Variants in CNTN4 observed in about 807,000 individuals in gnomAD.
The protein encoded by CNTN4 is contactin 4.
CNTN4 carries 77 observed loss-of-function variants against 122.5 expected under a neutral mutation model. The ratio of observed to expected loss-of-function variants is 0.63; its 90% CI spans 0.52 to 0.76. The LOEUF (loss-of-function observed/expected upper bound fraction) is 0.76. Among genes scored for constraint, CNTN4 ranks in the 30% least tolerant of loss-of-function variants. The pLI is 0.00. For missense variants in CNTN4, 1,256 were observed against 1,259.1 expected (o/e 1.00, Z 0.04); for synonymous variants, 512 against 447.0 (o/e 1.15, Z -1.83).
At chr3:2,903,566 C>T (rs556065117) in intron 12 of CNTN4, among the ~76,000 whole-genome samples, 1 of 152,302 alleles carries the variant, frequency 6.6e-6, no homozygotes, top group South Asian at 2.1e-4. Context: ...CTGAGTGCAT[C>T]GTCTGCCTGA....
chr3:2,588,462 G>A (rs909840337), intron 4 of CNTN4, among the ~76,000 whole-genome samples: 1 of 151,950 alleles, frequency 6.6e-6, no homozygotes, highest in African/African-American at 2.4e-5. Context: ...TGCCTCCCAG[G>A]TTCAAGCTAT....
chr3:2,675,106 G>A (rs2084770725), intron 4 of CNTN4, among the ~76,000 whole-genome samples: 1 of 151,696 alleles, frequency 6.6e-6, no homozygotes, highest in African/African-American at 2.4e-5. Context: ...CAGCAGTGGA[G>A]AGACAGTCTT....
chr3:2,708,639 G>A (rs188594235), intron 4 of CNTN4, among the ~76,000 whole-genome samples: 1 of 152,112 alleles, frequency 6.6e-6, no homozygotes, highest in African/African-American at 2.4e-5. Context: ...CCTTAAATCT[G>A]GAGACCTTCA....
At chr3:2,216,546 C>CA (rs1258874983) in intron 2 of CNTN4, among the ~76,000 whole-genome samples, 5 of 151,722 alleles carry the variant, frequency 3.3e-5, no homozygotes, top group East Asian at 3.9e-4. Context: ...AAAAGTTAAA[C>CA]AAAAAAAGAA....
intron 4 of CNTN4, among the ~76,000 whole-genome samples, chr3:2,699,521 G>T (rs1029176408): frequency 6.6e-6 from 1 of 152,212 alleles, no homozygotes; most frequent in Non-Finnish European, 1.5e-5. Flanking sequence ...TTCTTTGGTT[G>T]ATTTCAGTAT....
At chr3:2,708,718 ACG>A (rs1181421169) in intron 4 of CNTN4, among the ~76,000 whole-genome samples, 2 of 142,062 alleles carry the variant, frequency 1.4e-5, no homozygotes, top group Non-Finnish European at 3.0e-5. Context: ...AGGCACGCGC[ACG>A]CGCGCATCAC....
chr3:2,172,759 A>C (rs557437497), intron 2 of CNTN4, among the ~76,000 whole-genome samples: 7 of 152,308 alleles, frequency 4.6e-5, no homozygotes, highest in Middle Eastern at 3.4e-3. Context: ...GACAGTGGAG[A>C]TGGAGAGCCA....
At chr3:2,976,307 A>G (rs1454743887) in intron 13 of CNTN4, among the ~76,000 whole-genome samples, 1 of 152,250 alleles carries the variant, frequency 6.6e-6, no homozygotes, top group East Asian at 1.9e-4. Flanking sequence ...GAATCAAACC[A>G]GGTTAAACAA....
At chr3:2,858,424 C>G (rs2093638359) in intron 7 of CNTN4, among the ~76,000 whole-genome samples, 1 of 152,130 alleles carries the variant, frequency 6.6e-6, no homozygotes, top group Admixed American at 6.5e-5. Context: ...ATGTTTGTTT[C>G]AAGAAAAGCC....
At chr3:2,822,767 T>A (rs570101298) in intron 7 of CNTN4, among the ~76,000 whole-genome samples, 1 of 152,238 alleles carries the variant, frequency 6.6e-6, no homozygotes, top group African/African-American at 2.4e-5. Context: ...CACAGAGAAA[T>A]AGATTAAAAA....
At chr3:2,194,897 A>G (rs2037761407) in intron 2 of CNTN4, among the ~76,000 whole-genome samples, 1 of 152,190 alleles carries the variant, frequency 6.6e-6, no homozygotes, top group South Asian at 2.1e-4. Flanking sequence ...GAACTGTGAG[A>G]CAATAAACTC....
At chr3:2,126,211 T>C (rs370236880) in intron 2 of CNTN4, among the ~76,000 whole-genome samples, 23 of 152,234 alleles carry the variant, frequency 1.5e-4, no homozygotes, top group African/African-American at 2.2e-4. Flanking sequence ...GAAGCTCTTA[T>C]GTGATAGGAT....
At chr3:2,715,041 C>CAT (rs1181151035) in intron 4 of CNTN4, among the ~76,000 whole-genome samples, 1 of 152,204 alleles carries the variant, frequency 6.6e-6, no homozygotes, top group Non-Finnish European at 1.5e-5. Context: ...CAGCTTTCTA[C>CAT]ATATATCGTG....
At chr3:2,902,007 T>C (rs1263608885) in intron 11 of CNTN4, among the ~76,000 whole-genome samples, 2 of 152,160 alleles carry the variant, frequency 1.3e-5, no homozygotes. Flanking sequence ...TCTGGGTTTA[T>C]TCAAAAACAG....
At chr3:2,606,054 C>T (rs939092148) in intron 4 of CNTN4, among the ~76,000 whole-genome samples, 7 of 151,992 alleles carry the variant, frequency 4.6e-5, no homozygotes, top group East Asian at 3.9e-4. Context: ...GGGCAGCACT[C>T]GAGGCAGACA....
chr3:2,459,311 A>G (rs2049116309), intron 3 of CNTN4, among the ~76,000 whole-genome samples: 2 of 152,248 alleles, frequency 1.3e-5, no homozygotes, highest in Admixed American at 6.5e-5. Context: ...CTAAAATAAA[A>G]TGTGCATTTA....
chr3:3,038,795 T>C, intron 18 of CNTN4, 138 bp from the exon 19 acceptor site: 1 of 674,224 alleles, frequency 1.5e-6, no homozygotes. Context: ...CCCTTGACAA[T>C]GCTGTTGCTG....
intron 2 of CNTN4, among the ~76,000 whole-genome samples, chr3:2,125,923 G>GTA (rs1553570979): frequency 3.3e-5 from 5 of 150,690 alleles, no homozygotes; most frequent in Non-Finnish European, 7.4e-5. Context: ...GTGTGTGTGT[G>GTA]TGTGTATGTG....
intron 4 of CNTN4, among the ~76,000 whole-genome samples, chr3:2,584,110 A>G (rs2149589361): frequency 6.6e-6 from 1 of 152,342 alleles, no homozygotes; most frequent in African/African-American, 2.4e-5. Context: ...ACTGCCCTAT[A>G]GTCAGCACTT....
Sources: gnomAD v4.1 joint callset for allele counts (sites outside exome capture counted in the v4.1 genomes callset) on GRCh38, gnomAD v4.1.1 for gene constraint, MANE v1.5 for transcripts, NCBI Gene and HGNC (gene_info 2026-07-23, HGNC 2026-07-21) for gene names.